SHISAL1: variants seen among roughly 807,000 people sequenced by gnomAD.
SHISAL1 encodes protein shisa-like-1.
A neutral mutation model predicts 22.6 loss-of-function variants in SHISAL1; 9 were observed. The observed-to-expected ratio is 0.40, with a 90% CI of 0.24 to 0.70. The LOEUF is 0.70. SHISAL1 is among the 30% of genes least tolerant of loss of function. The probability of loss-of-function intolerance (pLI) is 0.39; values close to 1 mark genes in which losing one functional copy is unlikely to be tolerated. For missense variants in SHISAL1, 246 were observed against 270.6 expected, an observed-to-expected ratio of 0.91 and a Z score of 0.64; for synonymous variants, 119 against 115.4, an observed-to-expected ratio of 1.03 and a Z score of -0.20.
intron 4 of SHISAL1, among the ~76,000 whole-genome samples, chr22:44,280,927 A>G (rs1463236279): frequency 6.6e-6 from 1 of 152,106 alleles, no homozygotes; most frequent in Admixed American, 6.5e-5. Context: ...AATAATGACC[A>G]TCACAACCAT....
Position 44,244,096 on chromosome 22 carries a change from C to T in SHISAL1, c.*5589G>A, listed in dbSNP as rs926243407. On this transcript the variant is annotated 3_prime_UTR_variant, in exon 5 of 5. Coordinates refer to ENST00000381176, the MANE Select transcript of SHISAL1 (RefSeq NM_001099294.2). ...GTGAGGTATGCCACTAGCTTTAAAA[C>T]GGGAAATGGGAAAAATAGGAAGAAA... 14 of 152,170 alleles carry T rather than the reference C, an allele frequency of 9.2e-5. No individual in the cohort carries two copies. The highest frequency in any genetic ancestry group is 1.9e-4 in the African/African-American group (8 of 41,426). 9.4% of individuals were successfully genotyped at this position (152,170 alleles called of 1,614,324 possible). A position where few individuals can be genotyped will look rare whatever the true frequency, so the allele number is the denominator to read the frequency against.
At chr22:44,290,539 A>C (rs1333388204) in intron 3 of SHISAL1, among the ~76,000 whole-genome samples, 2 of 148,022 alleles carry the variant, frequency 1.4e-5, no homozygotes, top group Non-Finnish European at 2.9e-5. Flanking sequence ...CAAAAAAAAA[A>C]AAAAACAAAA....
intron 4 of SHISAL1, among the ~76,000 whole-genome samples, chr22:44,256,192 GGA>G (rs1387744696): frequency 8.0e-6 from 1 of 124,368 alleles, no homozygotes; most frequent in African/African-American, 3.9e-5. Flanking sequence ...TCTCAGGACT[GGA>G]ACTCACACCA....
intron 2 of SHISAL1, 95 bp downstream of exon 2, chr22:44,300,784 G>A: frequency 9.6e-7 from 1 of 1,036,948 alleles, no homozygotes; most frequent in South Asian, 1.3e-5. Context: ...AAGCCTCTGT[G>A]TGCCCCCAGA....
the SHISAL1 span, among the ~76,000 whole-genome samples, chr22:44,328,362 T>C: frequency 6.6e-6 from 1 of 152,164 alleles, no homozygotes; most frequent in Admixed American, 6.5e-5. Context: ...ACTGACAAGA[T>C]TGGCATGAGG....
chr22:44,307,567 CA>C (rs2055488153), intron 1 of SHISAL1, among the ~76,000 whole-genome samples: 1 of 152,182 alleles, frequency 6.6e-6, no homozygotes, highest in Non-Finnish European at 1.5e-5. Flanking sequence ...CCGTGGCCAA[CA>C]ACAAAACTCA....
At chr22:44,301,450 T>TCC (rs1406950631) in intron 1 of SHISAL1, among the ~76,000 whole-genome samples, 2 of 152,184 alleles carry the variant, frequency 1.3e-5, no homozygotes, top group African/African-American at 4.8e-5. Flanking sequence ...CACACAGCAG[T>TCC]GCATGAAATA....
At chr22:44,311,803 G>C (rs975477449) in intron 1 of SHISAL1, among the ~76,000 whole-genome samples, 6 of 152,204 alleles carry the variant, frequency 3.9e-5, no homozygotes, top group Admixed American at 2.6e-4. Flanking sequence ...CCTATTAAAG[G>C]GAGAGCTTGG....
intron 4 of SHISAL1, among the ~76,000 whole-genome samples, chr22:44,259,278 A>T (rs1331939917): frequency 6.6e-6 from 1 of 151,982 alleles, no homozygotes; most frequent in Non-Finnish European, 1.5e-5. Flanking sequence ...GTCTACTAAA[A>T]ATACAAAAAA....
chr22:44,306,225 C>T (rs1322839274), intron 1 of SHISAL1, among the ~76,000 whole-genome samples: 1 of 152,192 alleles, frequency 6.6e-6, no homozygotes, highest in Non-Finnish European at 1.5e-5. Flanking sequence ...TGGGTCCCTC[C>T]GTGGGATGTG....
intron 4 of SHISAL1, among the ~76,000 whole-genome samples, chr22:44,264,134 C>A (rs1022907515): frequency 6.6e-6 from 1 of 152,214 alleles, no homozygotes; most frequent in Non-Finnish European, 1.5e-5. Context: ...GAACCTTCAT[C>A]TTTTGCTTCC....
At chr22:44,327,933 A>C in the SHISAL1 span, among the ~76,000 whole-genome samples, 1 of 152,050 alleles carries the variant, frequency 6.6e-6, no homozygotes, top group Non-Finnish European at 1.5e-5. Context: ...TAACTTCTGA[A>C]AGAGCAGCTG....
In SHISAL1 at chr22:44,246,384, T is replaced by C. The variant is rs2055001475; in HGVS notation, c.*3301A>G. Reference sequence around the variant, plus strand: ...TCTCTCGTTTTTCTTTTTGTATTATTATTATTACAAATTACATGGTGATGG... The same window carrying C: ...TCTCTCGTTTTTCTTTTTGTATTATCATTATTACAAATTACATGGTGATGG... On this transcript the variant is annotated 3_prime_UTR_variant, in exon 5 of 5. Coordinates refer to ENST00000381176, the MANE Select transcript of SHISAL1 (RefSeq NM_001099294.2). 1 of 151,552 alleles carries C rather than the reference T, an allele frequency of 6.6e-6. No homozygotes were observed. The highest frequency in any genetic ancestry group is 2.1e-4 in the South Asian group (1 of 4,830). The allele number at this position is 151,552 out of a possible 1,614,324, so 9.4% of individuals were successfully genotyped here. A position where few individuals can be genotyped will look rare whatever the true frequency, so the allele number is the denominator to read the frequency against.
rs1569203000 is a variant in SHISAL1, at chr22:44,245,605, A to G, written c.*4080T>C. 2 of 152,464 alleles carry G rather than the reference A, an allele frequency of 1.3e-5. No homozygotes were observed. The highest frequency in any genetic ancestry group is 4.8e-5 in the African/African-American group (2 of 41,478). The allele number at this position is 152,464 out of a possible 1,614,324, so 9.4% of individuals were successfully genotyped here. ...TGGTGATTGTGAAAGCAGCCGAGCCAGCGGAGGGGCCTGCCTGGGGATGGC... is the reference window on the plus strand; with the variant it reads ...TGGTGATTGTGAAAGCAGCCGAGCCGGCGGAGGGGCCTGCCTGGGGATGGC... On this transcript the variant is annotated 3_prime_UTR_variant, in exon 5 of 5. Coordinates refer to ENST00000381176, the MANE Select transcript of SHISAL1 (RefSeq NM_001099294.2).
chr22:44,275,600 G>T (rs952735975), intron 4 of SHISAL1, among the ~76,000 whole-genome samples: 2 of 152,208 alleles, frequency 1.3e-5, no homozygotes, highest in African/African-American at 4.8e-5. Flanking sequence ...CTCAGGGTTA[G>T]CTCTTACAGG....
chr22:44,309,323 GGTAGC>G (rs1251100738), intron 1 of SHISAL1, among the ~76,000 whole-genome samples: 1 of 152,180 alleles, frequency 6.6e-6, no homozygotes, highest in Non-Finnish European at 1.5e-5. Flanking sequence ...GATTAGCAGT[GGTAGC>G]ATTAGCACGG....
chr22:44,258,308 AAAAC>A (rs138205630), intron 4 of SHISAL1, among the ~76,000 whole-genome samples: 9,414 of 152,122 alleles, frequency 0.062, 354 homozygotes, highest in East Asian at 0.093. Context: ...CTCTGTCTCA[AAAAC>A]AAACAAACTT....
intron 4 of SHISAL1, among the ~76,000 whole-genome samples, chr22:44,264,548 G>A (rs972422453): frequency 9.2e-5 from 14 of 152,190 alleles, no homozygotes; most frequent in African/African-American, 3.1e-4. Flanking sequence ...CAGGTGGGGT[G>A]TCCTGACGGA....
chr22:44,261,115 C>T (rs2055121157), intron 4 of SHISAL1, among the ~76,000 whole-genome samples: 1 of 108,932 alleles, frequency 9.2e-6, no homozygotes, highest in Non-Finnish European at 1.9e-5. Flanking sequence ...TATGGATTCT[C>T]TTGCAGAAAA....
Sources: gnomAD v4.1 joint callset for allele counts (sites outside exome capture counted in the v4.1 genomes callset) on GRCh38, gnomAD v4.1.1 for gene constraint, MANE v1.5 for transcripts, NCBI Gene and HGNC (gene_info 2026-07-23, HGNC 2026-07-21) for gene names.